Variants in IFT140 observed in about 807,000 individuals in gnomAD.
IFT140 encodes intraflagellar transport protein 140 homolog.
In IFT140, 133 loss-of-function variants were observed where a neutral mutation model predicts 164.6. That is an observed-to-expected ratio of 0.81 (90% CI 0.70 to 0.93). IFT140 has a LOEUF of 0.93. Ranked by LOEUF, IFT140 falls within the 40% of genes least tolerant of loss-of-function variation. The probability of loss-of-function intolerance (pLI) is 0.00; values close to 1 mark genes in which losing one functional copy is unlikely to be tolerated. For synonymous variants in IFT140, 860 were observed against 817.3 expected, an observed-to-expected ratio of 1.05 and a Z score of -0.89; for missense variants, 2,045 against 1,972.3, an observed-to-expected ratio of 1.04 and a Z score of -0.70.
At chr16:1,609,027 T>TGC (rs2036215271) in intron 2 of IFT140, among the ~76,000 whole-genome samples, 1 of 152,078 alleles carries the variant, frequency 6.6e-6, no homozygotes, top group Non-Finnish European at 1.5e-5. Flanking sequence ...TGGTGGTGCC[T>TGC]GCCTGTAATC....
chr16:1,593,513 T>C (rs2035297401), intron 4 of IFT140, among the ~76,000 whole-genome samples: 1 of 152,080 alleles, frequency 6.6e-6, no homozygotes, highest in Non-Finnish European at 1.5e-5. Context: ...GGTTTCACCA[T>C]GTTGGCCAGG....
Position 1,533,990 on chromosome 16 carries a change from C to T in IFT140, c.2400-7194G>A, listed in dbSNP as rs556443333. On this transcript the variant is annotated intron_variant, in intron 19 of 30. Coordinates refer to ENST00000426508, the MANE Select transcript of IFT140 (RefSeq NM_014714.4). The surrounding 1 kb of genome is among the most constrained non-coding windows in gnomAD (Gnocchi z 4.7). ...CTCCGCTTCCCGGGAAGACGGCGCA[C>T]TCCTGGCCCTGGGTTCTTGCTGCTG... 1 of 478,974 alleles carries T rather than the reference C, an allele frequency of 2.1e-6. No individual in the cohort carries two copies. Among genetic ancestry groups the T allele is most frequent in the African/African-American group, 2.1e-5 (1 of 48,502 alleles). The allele number at this position is 478,974 out of a possible 1,614,324, so 29.7% of individuals were successfully genotyped here.
intron 14 of IFT140, 57 bp from the exon 15 acceptor site, chr16:1,568,391 GC>G: frequency 1.5e-6 from 2 of 1,372,222 alleles, no homozygotes; most frequent in Non-Finnish European, 1.0e-6. Context: ...CCAATTCTCC[GC>G]CCACCCTGAA....
intron 6 of IFT140, among the ~76,000 whole-genome samples, chr16:1,590,653 G>T (rs927784843): frequency 2.6e-5 from 4 of 152,222 alleles, no homozygotes; most frequent in Non-Finnish European, 4.4e-5. Flanking sequence ...CCCTGTGTGA[G>T]CTTGGGGACT....
At chr16:1,589,839 C>G in intron 6 of IFT140, 59 bp from the exon 7 acceptor site, 1 of 1,439,962 alleles carries the variant, frequency 6.9e-7, no homozygotes, top group Non-Finnish European at 9.7e-7. Context: ...CTTCCATGAC[C>G]CTCACCAGCA....
Position 1,583,327 on chromosome 16 carries a change from C to T in IFT140, c.1419G>A (p.Ala473=), listed in dbSNP as rs773188311. The change falls in exon 12 of 31, where the codon GCG becomes GCA. Residue 473 remains alanine (A), a synonymous_variant. Coordinates refer to ENST00000426508, the MANE Select transcript of IFT140 (RefSeq NM_014714.4). ...QVAIFELSGA[A]IRSAGTFLCE... is the part of the protein sequence containing the mutation. ...AAAAGAACCCACCTGCACTCCGTAT[C>T]GCGGCTCCAGAAAGCTCGAAGATCG... is the stretch of plus-strand genomic sequence containing the variant. 8.1e-6 allele frequency: 13 copies of T among 1,613,974 alleles called. No individual in the cohort carries two copies. Among genetic ancestry groups the T allele is most frequent in the African/African-American group, 1.3e-5 (1 of 74,910 alleles).
intron 2 of IFT140, chr16:1,610,351 C>T (rs1319741897): frequency 1.3e-5 from 2 of 154,900 alleles, no homozygotes; most frequent in Admixed American, 6.5e-5. Context: ...CCCGTTTCGC[C>T]TCGGGGGTGT....
At chr16:1,598,743 G>A (rs1361462822) in intron 4 of IFT140, among the ~76,000 whole-genome samples, 1 of 152,262 alleles carries the variant, frequency 6.6e-6, no homozygotes, top group East Asian at 1.9e-4. Flanking sequence ...CCCCTTCTTG[G>A]TGCTTTCTAA....
At chr16:1,569,087 C>T (rs576013814) in intron 14 of IFT140, among the ~76,000 whole-genome samples, 181 of 151,180 alleles carry the variant, frequency 1.2e-3, no homozygotes, top group Non-Finnish European at 2.0e-3. Flanking sequence ...TCACTGCAAG[C>T]TCCGCCTCCC....
intron 7 of IFT140, 149 bp from the exon 8 acceptor site, chr16:1,588,173 G>A (rs2034992325): frequency 4.8e-6 from 3 of 628,690 alleles, no homozygotes; most frequent in African/African-American, 1.8e-5. Flanking sequence ...AACTCTGTGA[G>A]GTGGCTTTGG....
chr16:1,524,823 G>A lies in IFT140; in HGVS notation c.2958C>T (p.Ser986=). ...CCTGGAAGCAGTGGATGCGGACCAG[G>A]GAGAAGTGGTCCCGGGCCAGCTCGT... ...HYYELARDHF[S]LVRIHCFQGN... is the part of the protein sequence containing the mutation. The change falls in exon 23 of 31, where the codon TCC becomes TCT. Residue 986 remains serine (S), a synonymous_variant. Coordinates refer to ENST00000426508, the MANE Select transcript of IFT140 (RefSeq NM_014714.4). 2.5e-6 allele frequency: 4 copies of A among 1,612,586 alleles called. No homozygotes were observed. The highest frequency in any genetic ancestry group is 3.4e-6 in the Non-Finnish European group (4 of 1,179,024).
At chr16:1,557,875 G>C (rs2033186630) in intron 19 of IFT140, 60 bp downstream of exon 19, 7 of 1,526,002 alleles carry the variant, frequency 4.6e-6, no homozygotes, top group Non-Finnish European at 6.3e-6. Flanking sequence ...CAAACAGGGA[G>C]AAAGGAAAGA....
At position 1,565,088 on chromosome 16, in the gene IFT140, G is replaced by A. The variant is rs142056208; in HGVS notation, c.1902-926C>T. Among the ~76,000 whole-genome samples, 1,202 of 152,302 alleles carry A rather than the reference G, an allele frequency of 7.9e-3. 4 individuals carry two copies. The highest frequency in any genetic ancestry group is 0.012 in the Non-Finnish European group (843 of 68,030). On this transcript the variant is annotated intron_variant, in intron 16 of 30. Coordinates refer to ENST00000426508, the MANE Select transcript of IFT140 (RefSeq NM_014714.4). ...GGGGGCAAGATTCGAATGCAGAAAG[G>A]AACTCAGAGGCTCCCACAGCTCCCA... is the stretch of plus-strand genomic sequence containing the variant.
At chr16:1,584,119 G>A (rs1258122264) in intron 11 of IFT140, 98 bp downstream of exon 11, 5 of 955,692 alleles carry the variant, frequency 5.2e-6, no homozygotes, top group Non-Finnish European at 8.0e-6. Flanking sequence ...ACTGAGAGTG[G>A]CCTAACCTGC....
At chr16:1,541,443 G>GAGCACGCAGGAC in intron 19 of IFT140, 1 of 985,432 alleles carries the variant, frequency 1.0e-6, no homozygotes, top group Non-Finnish European at 1.2e-6. Flanking sequence ...TCGGGCAGCT[G>GAGCACGCAGGAC]AGCACGCAGG....
chr16:1,534,386 T>TGGGCGC (rs1184794248), intron 19 of IFT140: 6 of 1,612,606 alleles, frequency 3.7e-6, no homozygotes, highest in Non-Finnish European at 5.1e-6. Context: ...CGCTGGAGGA[T>TGGGCGC]GGGCGCAGGC....
chr16:1,515,703 T>G (rs2040315407), intron 30 of IFT140, among the ~76,000 whole-genome samples: 1 of 152,230 alleles, frequency 6.6e-6, no homozygotes, highest in Non-Finnish European at 1.5e-5. Context: ...GGCCTCAGAA[T>G]TCTCTATCTG....
intron 13 of IFT140, among the ~76,000 whole-genome samples, chr16:1,575,852 C>G (rs555003238): frequency 3.3e-5 from 5 of 152,306 alleles, no homozygotes; most frequent in Admixed American, 1.3e-4. Flanking sequence ...CCTTTCCCAT[C>G]ATGCCACTGG....
chr16:1,524,071 G>A, intron 24 of IFT140, 115 bp from the exon 25 acceptor site: 2 of 1,327,352 alleles, frequency 1.5e-6, no homozygotes, highest in Non-Finnish European at 2.0e-6. Context: ...ACACTGCTCA[G>A]CGATCTCTGC....
Sources: allele counts gnomAD v4.1 joint callset (sites outside exome capture counted in the v4.1 genomes callset), GRCh38; gene constraint gnomAD v4.1.1; non-coding constraint Gnocchi (gnomAD v3.1); transcripts MANE v1.5; gene names NCBI Gene and HGNC (gene_info 2026-07-23, HGNC 2026-07-21).